Variants in TNNC2 observed in about 807,000 individuals in gnomAD.
TNNC2 encodes the protein troponin C, skeletal muscle.
TNNC2 carries 14 observed loss-of-function variants against 20.0 expected under a neutral mutation model. The observed-to-expected ratio is 0.70, with a 90% CI of 0.46 to 1.09. The LOEUF (loss-of-function observed/expected upper bound fraction) is 1.09, where lower values mean the gene tolerates loss of function less well. Among genes scored for constraint, TNNC2 ranks in the 50% least tolerant of loss-of-function variants. The probability of loss-of-function intolerance (pLI) is 0.00; values close to 1 mark genes in which losing one functional copy is unlikely to be tolerated. For missense variants in TNNC2, 163 were observed against 223.8 expected (o/e 0.73, Z 1.73); for synonymous variants, 81 against 77.3 (o/e 1.05, Z -0.25).
upstream of TNNC2, among the ~76,000 whole-genome samples, chr20:45,828,394 T>G (rs1457901490): frequency 3.3e-5 from 5 of 152,226 alleles, no homozygotes; most frequent in East Asian, 3.9e-4. Context: ...CAGACAGTCC[T>G]TGGGGCACCT....
chr20:45,829,298 G>A (rs188339770), upstream of TNNC2, among the ~76,000 whole-genome samples: 869 of 151,512 alleles, frequency 5.7e-3, 37 homozygotes, highest in Admixed American at 0.053. Context: ...CCGAGTAGCC[G>A]GAATTACAGG....
chr20:45,828,977 G>T (rs946080986), upstream of TNNC2, among the ~76,000 whole-genome samples: 4 of 151,872 alleles, frequency 2.6e-5, no homozygotes, highest in Non-Finnish European at 5.9e-5. Context: ...ATTGTTTTTT[G>T]GTTTTTTGGG....
chr20:45,824,146 G>A lies in TNNC2; in HGVS notation c.315-19C>T. The A allele has an allele frequency of 6.2e-7, 1 of 1,612,582 alleles. No individual in the cohort carries two copies. The highest frequency in any genetic ancestry group is 8.5e-7 in the Non-Finnish European group (1 of 1,179,440). On this transcript the variant is annotated intron_variant, in intron 4 of 5. Coordinates refer to ENST00000372555, the MANE Select transcript of TNNC2 (RefSeq NM_003279.3). ...TGCATTCCTTCAGGTCCGAGGGACA[G>A]GGCAGGGCTCAGGGCCGGGGCGAGC...
In TNNC2 at chr20:45,823,628, C is replaced by T. The variant is rs1246026110; in HGVS notation, c.452-249G>A. Among the ~76,000 whole-genome samples, 1 of 152,000 alleles carries T rather than the reference C, an allele frequency of 6.6e-6. No individual in the cohort carries two copies. The highest frequency in any genetic ancestry group is 2.4e-5 in the African/African-American group (1 of 41,376). On this transcript the variant is annotated intron_variant, in intron 5 of 5. Coordinates refer to ENST00000372555, the MANE Select transcript of TNNC2 (RefSeq NM_003279.3). The surrounding 1 kb of genome is among the most constrained non-coding windows in gnomAD (Gnocchi z 4.6). ...CCTCAGCCCCCGGAGCAACTGGGAC[C>T]ACAGGTGTGCCACCACACCTGCCTT...
rs1318972395 is a variant in TNNC2 at position 45,823,859 on chromosome 20, C to T, written c.451+132G>A. On this transcript the variant is annotated intron_variant, in intron 5 of 5. Transcript: ENST00000372555. The surrounding 1 kb of genome is among the most constrained non-coding windows in gnomAD (Gnocchi z 4.6). ...CGCTTCTATACCTGCCCCCAGGAGA[C>T]TATGGGGAACTTGGTGAAGTTACGC... 6 of 1,456,328 alleles carry T rather than the reference C, an allele frequency of 4.1e-6. No homozygotes were observed. The highest frequency in any genetic ancestry group is 5.6e-6 in the Non-Finnish European group (6 of 1,075,022). 90.2% of individuals were successfully genotyped at this position (1,456,328 alleles called of 1,614,324 possible). A position where few individuals can be genotyped will look rare whatever the true frequency, so the allele number is the denominator to read the frequency against.
upstream of TNNC2, among the ~76,000 whole-genome samples, chr20:45,828,122 A>G (rs1983019340): frequency 6.6e-6 from 1 of 151,608 alleles, no homozygotes; most frequent in Non-Finnish European, 1.5e-5. Flanking sequence ...TGCAGCCTCT[A>G]TCTCCTGGGC....
Position 45,824,626 on chromosome 20 carries a change from G to A in TNNC2, c.68C>T (p.Ala23Val), listed in dbSNP as rs1982912497. The A allele has an allele frequency of 6.2e-7, 1 of 1,609,622 alleles. No individual in the cohort carries two copies. Among genetic ancestry groups the A allele is most frequent in the African/African-American group, 1.3e-5 (1 of 74,888 alleles). ...SEEMIAEFKAAFDMFDADGGG... is the reference protein window; with the variant it reads ...SEEMIAEFKAVFDMFDADGGG... ...ACCATCAGCATCAAACATGTCAAAG[G>A]CAGCCTTGAACTCTGCGAGGGAGGG... Residue 23 changes from alanine (A) to valine (V), a missense_variant, in exon 3 of 6, where the codon GCC becomes GTC. Physicochemically the swap from Ala to Val is moderately conservative, Grantham distance 64 (BLOSUM62 0). Transcript: ENST00000372555.
In TNNC2 at chr20:45,824,647, G is replaced by A. The variant is rs1377416328; in HGVS notation, c.56-9C>T. On this transcript the variant is annotated splice_polypyrimidine_tract_variant and intron_variant, in intron 2 of 5. Transcript: ENST00000372555. The stretch of plus-strand genomic sequence containing the variant: ...AAAGGCAGCCTTGAACTCTGCGAGG[G>A]AGGGCAGAGGGCAGAGGTGAGGCCT... 2 of 1,607,178 alleles carry A rather than the reference G, an allele frequency of 1.2e-6. No individual in the cohort carries two copies. Among genetic ancestry groups the A allele is most frequent in the South Asian group, 1.1e-5 (1 of 90,974 alleles).
At chr20:45,824,174 C>A (rs557527764) in intron 4 of TNNC2, 47 bp from the exon 5 acceptor site, 2 of 1,605,182 alleles carry the variant, frequency 1.2e-6, no homozygotes, top group South Asian at 2.2e-5. Flanking sequence ...GGGCGAGCTG[C>A]CCTGGCCACC....
intron 4 of TNNC2, 80 bp from the exon 5 acceptor site, chr20:45,824,207 A>G: frequency 6.3e-7 from 1 of 1,597,816 alleles, no homozygotes; most frequent in Non-Finnish European, 8.5e-7. Context: ...CCGCTTCCGC[A>G]CTCCCAACAC....
chr20:45,832,234 T>G (rs1983131949), upstream of TNNC2, among the ~76,000 whole-genome samples: 1 of 152,136 alleles, frequency 6.6e-6, no homozygotes, highest in Non-Finnish European at 1.5e-5. Flanking sequence ...TGCTTGAACC[T>G]GGGAGGCAGA....
chr20:45,825,444 A>C (rs928496772), intron 1 of TNNC2, among the ~76,000 whole-genome samples: 11 of 151,712 alleles, frequency 7.3e-5, no homozygotes, highest in African/African-American at 2.4e-4. Context: ...GGCATGCGCC[A>C]ACACGCCCAG....
upstream of TNNC2, among the ~76,000 whole-genome samples, chr20:45,829,682 A>C (rs1406141810): frequency 6.6e-6 from 1 of 151,788 alleles, no homozygotes; most frequent in Non-Finnish European, 1.5e-5. Context: ...TGGGAGGCTG[A>C]GGCTGAGGCA....
rs921693303 is a variant in TNNC2 at position 45,824,912 on chromosome 20, AC to A, written c.4-79del. ...CCTCACCTCAAAGCCATTCTTCCCA[AC>A]CCCCACTCTGTCAGCGCCCTTGGTT... is the stretch of plus-strand genomic sequence containing the variant. On this transcript the variant is annotated intron_variant, in intron 1 of 5. Transcript: ENST00000372555. 3.3e-6 allele frequency: 5 copies of A among 1,518,978 alleles called. No individual in the cohort carries two copies. The African/African-American group carries it at 6.9e-5, about 21-fold the overall frequency. 94.1% of individuals were successfully genotyped at this position (1,518,978 alleles called of 1,614,324 possible).
At chr20:45,827,211 G>T (rs371533351) in intron 1 of TNNC2, 35 bp downstream of exon 1, 17 of 1,613,908 alleles carry the variant, frequency 1.1e-5, no homozygotes, top group African/African-American at 1.3e-5. Context: ...GAGTGCTCCC[G>T]TGAGTAAAGG....
At position 45,824,129 on chromosome 20, in the gene TNNC2, TTCAG is replaced by T. The variant is rs1446479428; in HGVS notation, c.315-6_315-3del. ...GGGTCGATGTAGCCGTCTGCATTCC[TTCAG>T]GTCCGAGGGACAGGGCAGGGCTCAG... On this transcript the variant is annotated splice_region_variant and splice_polypyrimidine_tract_variant and intron_variant, in intron 4 of 5. Transcript: ENST00000372555. 2 of 1,613,630 alleles carry T rather than the reference TTCAG, an allele frequency of 1.2e-6. No homozygotes were observed. The highest frequency in any genetic ancestry group is 2.7e-5 in the African/African-American group (2 of 74,914).
upstream of TNNC2, among the ~76,000 whole-genome samples, chr20:45,832,168 C>T (rs1159453121): frequency 3.3e-5 from 5 of 152,060 alleles, no homozygotes; most frequent in Admixed American, 3.3e-4. Context: ...AAAAATTAGC[C>T]GCATGGTGGC....
upstream of TNNC2, chr20:45,827,382 C>G: frequency 8.7e-7 from 1 of 1,148,332 alleles, no homozygotes. Flanking sequence ...CTCCCCAGCA[C>G]TGGAGACCCT....
chr20:45,823,406 A>C lies in TNNC2; in HGVS notation c.452-27T>G. ...TGAGGGAAAGGAGAGGGAGAGGGTC[A>C]GGGGTCCCACTGGGGACGCAGAGGC... On this transcript the variant is annotated intron_variant, in intron 5 of 5. Coordinates refer to ENST00000372555, the MANE Select transcript of TNNC2 (RefSeq NM_003279.3). This position sits in a 1 kb window ranked among gnomAD's most constrained non-coding sequence, Gnocchi z 4.6. The C allele has an allele frequency of 6.3e-7, 1 of 1,586,834 alleles. No individual in the cohort carries two copies. The highest frequency in any genetic ancestry group is 8.6e-7 in the Non-Finnish European group (1 of 1,166,972).
Sources: gnomAD v4.1 joint callset for allele counts (sites outside exome capture counted in the v4.1 genomes callset) on GRCh38, gnomAD v4.1.1 for gene constraint, Gnocchi (gnomAD v3.1) non-coding constraint, MANE v1.5 for transcripts, NCBI Gene and HGNC (gene_info 2026-07-23, HGNC 2026-07-21) for gene names.